Variants in GALNT18 observed in about 807,000 individuals in gnomAD.
The protein encoded by GALNT18 is polypeptide N-acetylgalactosaminyltransferase 18, also known as GalNAc-transferase 18.
In GALNT18, 44 loss-of-function variants were observed where a neutral mutation model predicts 69.5. The observed-to-expected ratio is 0.63, with a 90% CI of 0.50 to 0.81. The LOEUF (loss-of-function observed/expected upper bound fraction) is 0.81. GALNT18 is among the 40% of genes least tolerant of loss of function. The probability of loss-of-function intolerance (pLI) is 0.00; values close to 1 mark genes in which losing one functional copy is unlikely to be tolerated. For synonymous variants in GALNT18, 364 were observed against 318.2 expected (o/e 1.14, Z -1.53); for missense variants, 715 against 810.0 (o/e 0.88, Z 1.42).
intron 1 of GALNT18, among the ~76,000 whole-genome samples, chr11:11,515,445 C>T (rs540416029): frequency 9.8e-5 from 15 of 152,346 alleles, no homozygotes; most frequent in Admixed American, 5.9e-4. Flanking sequence ...CTGTGTGCCC[C>T]GATTCCCCCT....
At chr11:11,284,320 TAG>T (rs1405760049) in intron 10 of GALNT18, among the ~76,000 whole-genome samples, 4 of 152,192 alleles carry the variant, frequency 2.6e-5, no homozygotes, top group Non-Finnish European at 4.4e-5. Context: ...ATGTAAGAGT[TAG>T]AGTCACCTGT....
At position 11,315,038 on chromosome 11, in the gene GALNT18, A is replaced by ATGTG. The variant is rs10537962; in HGVS notation, c.1512+12044_1512+12047dup. Among the ~76,000 whole-genome samples the ATGTG allele has an allele frequency of 5.8e-3, 865 of 150,166 alleles. 2 individuals carry two copies. Among genetic ancestry groups the ATGTG allele is most frequent in the East Asian group, 8.7e-3 (44 of 5,076 alleles). On this transcript the variant is annotated intron_variant, in intron 9 of 10. Coordinates refer to ENST00000227756, the MANE Select transcript of GALNT18 (RefSeq NM_198516.3). This position sits in a 1 kb window ranked among gnomAD's most constrained non-coding sequence, Gnocchi z 5.6. ...GCAGAGATGGACACATACTAATTAT[A>ATGTG]TGTGTGTGTGTGTGTGTGTGTGTGT...
At chr11:11,293,564 A>G (rs1216299490) in intron 9 of GALNT18, among the ~76,000 whole-genome samples, 34 of 110,476 alleles carry the variant, frequency 3.1e-4, no homozygotes, top group African/African-American at 1.3e-3. Flanking sequence ...TTTTGGAGAC[A>G]GAGTCTTGCT....
In GALNT18 at chr11:11,353,084, G is replaced by A; in HGVS notation, c.1093-12080C>T. 1.9e-6 allele frequency: 3 copies of A among 1,614,176 alleles called. No homozygotes were observed. In the South Asian group the frequency reaches 3.3e-5, roughly 18 times the overall value. On this transcript the variant is annotated intron_variant, in intron 6 of 10. Coordinates refer to ENST00000227756, the MANE Select transcript of GALNT18 (RefSeq NM_198516.3). ...GAGGTCTGTGTGTATTAACATCTGT[G>A]TAAACTCTGGCCCTGCTTGGCACGG...
chr11:11,334,545 A>G (rs1850077593), intron 7 of GALNT18, among the ~76,000 whole-genome samples: 1 of 150,588 alleles, frequency 6.6e-6, no homozygotes, highest in Non-Finnish European at 1.5e-5. Flanking sequence ...TCCGTCTCCA[A>G]AAAAAAAAAA....
intron 9 of GALNT18, among the ~76,000 whole-genome samples, chr11:11,295,124 T>C (rs1040165794): frequency 8.5e-5 from 13 of 152,070 alleles, no homozygotes; most frequent in Non-Finnish European, 1.6e-4. Flanking sequence ...GCAGTGCAGG[T>C]GAGGAGGGTG....
intron 9 of GALNT18, among the ~76,000 whole-genome samples, chr11:11,302,338 GTC>G (rs1171620962): frequency 2.0e-5 from 3 of 152,164 alleles, no homozygotes; most frequent in African/African-American, 4.8e-5. Context: ...TGCTGGTGAA[GTC>G]TCTCTTTTTC....
intron 5 of GALNT18, among the ~76,000 whole-genome samples, chr11:11,374,734 GA>G (rs1179250194): frequency 6.6e-6 from 1 of 152,234 alleles, no homozygotes; most frequent in East Asian, 1.9e-4. Context: ...GAAAGGATTA[GA>G]AATAGCTTAT....
At chr11:11,565,715 G>T (rs1393751730) in intron 1 of GALNT18, among the ~76,000 whole-genome samples, 1 of 152,224 alleles carries the variant, frequency 6.6e-6, no homozygotes, top group Non-Finnish European at 1.5e-5. Context: ...CCACAAACTA[G>T]TGGGTGAGAC....
chr11:11,574,014 G>C (rs192967262), intron 1 of GALNT18, among the ~76,000 whole-genome samples: 2 of 152,128 alleles, frequency 1.3e-5, no homozygotes, highest in African/African-American at 4.8e-5. Context: ...TCAAATCTAG[G>C]CCCCTGAGCC....
chr11:11,373,966 G>A (rs1284889927), intron 5 of GALNT18, among the ~76,000 whole-genome samples: 1 of 152,200 alleles, frequency 6.6e-6, no homozygotes, highest in African/African-American at 2.4e-5. Flanking sequence ...TTTGAAAATG[G>A]AAACTTATCA....
At chr11:11,352,509 A>T (rs1420192183) in intron 6 of GALNT18, 7 of 1,614,190 alleles carry the variant, frequency 4.3e-6, no homozygotes, top group Non-Finnish European at 5.9e-6. Flanking sequence ...CTGATAGTCT[A>T]CAAGTAGCTC....
intron 2 of GALNT18, among the ~76,000 whole-genome samples, chr11:11,434,186 T>C (rs1416408642): frequency 6.6e-6 from 1 of 152,166 alleles, no homozygotes; most frequent in Non-Finnish European, 1.5e-5. Flanking sequence ...ACCAGAAATT[T>C]ACAGAAACTT....
At chr11:11,283,074 A>G (rs1445105273) in intron 10 of GALNT18, among the ~76,000 whole-genome samples, 1 of 152,046 alleles carries the variant, frequency 6.6e-6, no homozygotes, top group African/African-American at 2.4e-5. Context: ...GTGGGCCCTG[A>G]GCTTGGGGTT....
In GALNT18 at chr11:11,480,250, TCC is replaced by T. The variant is rs1491508440; in HGVS notation, c.236-31316_236-31315del. On this transcript the variant is annotated intron_variant, in intron 1 of 10. Transcript: ENST00000227756. The surrounding 1 kb of genome is among the most constrained non-coding windows in gnomAD (Gnocchi z 4.6). ...TTTATTTCTTTCTTTCTTCCTTCCT[TCC>T]TCTCTCTCTCTCTTTCTCTCTCTCT... Among the ~76,000 whole-genome samples, 7 of 151,654 alleles carry T rather than the reference TCC, an allele frequency of 4.6e-5. No homozygotes were observed. The highest frequency in any genetic ancestry group is 1.7e-4 in the African/African-American group (7 of 41,152).
chr11:11,551,275 T>G (rs943055215), intron 1 of GALNT18, among the ~76,000 whole-genome samples: 12 of 152,280 alleles, frequency 7.9e-5, no homozygotes, highest in South Asian at 2.1e-4. Context: ...AAACCTGATT[T>G]TTTTTTTCTT....
chr11:11,404,435 A>AGCAGGG lies in GALNT18; in HGVS notation c.596-25172_596-25171insCCCTGC, dbSNP rs1854540645. Among the ~76,000 whole-genome samples, 9 of 152,326 alleles carry AGCAGGG rather than the reference A, an allele frequency of 5.9e-5. No individual in the cohort carries two copies. The South Asian group carries it at 1.7e-3, about 28-fold the overall frequency. ...GCAAGGCAAGAGGAGCAGGAGCAGGAGCTGAAGCACTCAAAGGCTGATGTA... is the reference window on the plus strand; with the variant it reads ...GCAAGGCAAGAGGAGCAGGAGCAGGAGCAGGGGCTGAAGCACTCAAAGGCTGATGTA... On this transcript the variant is annotated intron_variant, in intron 3 of 10. Coordinates refer to ENST00000227756, the MANE Select transcript of GALNT18 (RefSeq NM_198516.3). The surrounding 1 kb of genome is among the most constrained non-coding windows in gnomAD (Gnocchi z 4.5).
Position 11,523,732 on chromosome 11 carries a change from AAT to A in GALNT18, c.236-74798_236-74797del, listed in dbSNP as rs1564993190. ...AGACTCCATCTCAAAAAAAAAAAAAAATATCGTACACCCTGCCTCCCTGGGAA... is the reference window on the plus strand; with the variant it reads ...AGACTCCATCTCAAAAAAAAAAAAAAATCGTACACCCTGCCTCCCTGGGAA... On this transcript the variant is annotated intron_variant, in intron 1 of 10. Transcript: ENST00000227756. The surrounding 1 kb of genome is among the most constrained non-coding windows in gnomAD (Gnocchi z 4.3). 6.6e-6 allele frequency among the ~76,000 whole-genome samples: 1 copy of A among 151,142 alleles called. No individual in the cohort carries two copies. Among genetic ancestry groups the A allele is most frequent in the Admixed American group, 6.6e-5 (1 of 15,200 alleles).
chr11:11,410,217 G>A (rs1384334204), intron 3 of GALNT18, among the ~76,000 whole-genome samples: 2 of 152,184 alleles, frequency 1.3e-5, no homozygotes, highest in African/African-American at 4.8e-5. Flanking sequence ...TGGAGTAGGA[G>A]GGATTCCTGC....
Sources: gnomAD v4.1 joint callset for allele counts (sites outside exome capture counted in the v4.1 genomes callset) on GRCh38, gnomAD v4.1.1 for gene constraint, Gnocchi (gnomAD v3.1) non-coding constraint, MANE v1.5 for transcripts, NCBI Gene and HGNC (gene_info 2026-07-23, HGNC 2026-07-21) for gene names.